MYO5C: variants seen among roughly 807,000 people sequenced by gnomAD.
MYO5C encodes myosin VC.
A neutral mutation model predicts 235.7 loss-of-function variants in MYO5C; 194 were observed. That is an observed-to-expected ratio of 0.82 (90% CI 0.73 to 0.93). The LOEUF is 0.93. Ranked by LOEUF, MYO5C falls within the 40% of genes least tolerant of loss-of-function variation. The pLI is 0.00. For synonymous variants in MYO5C, 707 were observed against 754.8 expected (o/e 0.94, Z 1.04); for missense variants, 2,038 against 2,127.2 (o/e 0.96, Z 0.82).
chr15:52,246,448 C>A (rs944947738), intron 16 of MYO5C, among the ~76,000 whole-genome samples: 2 of 152,210 alleles, frequency 1.3e-5, no homozygotes, highest in Non-Finnish European at 2.9e-5. Flanking sequence ...CACACACTCA[C>A]CACCTCCATA....
chr15:52,226,659 A>G (rs1206746625), intron 25 of MYO5C, among the ~76,000 whole-genome samples: 1 of 152,206 alleles, frequency 6.6e-6, no homozygotes, highest in Non-Finnish European at 1.5e-5. Context: ...CAGCAGCTAC[A>G]TTTAACTGAA....
chr15:52,285,245 G>A (rs914853317), intron 1 of MYO5C, among the ~76,000 whole-genome samples: 1 of 152,038 alleles, frequency 6.6e-6, no homozygotes, highest in Admixed American at 6.5e-5. Context: ...GTGCATGCCT[G>A]TAATCCCAAC....
intron 13 of MYO5C, 84 bp downstream of exon 13, chr15:52,251,306 C>A: frequency 7.5e-7 from 1 of 1,330,456 alleles, no homozygotes; most frequent in South Asian, 1.8e-5. Flanking sequence ...TGAATCTGAT[C>A]AGAAACATTC....
chr15:52,206,967 T>C (rs1332880620), intron 36 of MYO5C, among the ~76,000 whole-genome samples: 1 of 152,118 alleles, frequency 6.6e-6, no homozygotes, highest in Non-Finnish European at 1.5e-5. Flanking sequence ...ACCCCATCTC[T>C]ATTAAAAATA....
chr15:52,271,754 A>G lies in MYO5C; in HGVS notation c.832+9T>C. The G allele has an allele frequency of 6.6e-7, 1 of 1,514,836 alleles. No individual in the cohort carries two copies. The highest frequency in any genetic ancestry group is 1.4e-5 in the African/African-American group (1 of 72,912). The allele number at this position is 1,514,836 out of a possible 1,614,324, so 93.8% of individuals were successfully genotyped here. A position where few individuals can be genotyped will look rare whatever the true frequency, so the allele number is the denominator to read the frequency against. The stretch of plus-strand genomic sequence containing the variant: ...AGAGAGACCCTTTCATACACGATCC[A>G]TCACATACCCAATTTAAGATGTTTA... On this transcript the variant is annotated intron_variant, in intron 7 of 40. Coordinates refer to ENST00000261839, the MANE Select transcript of MYO5C (RefSeq NM_018728.4).
rs147735948 is a variant in MYO5C at position 52,257,787 on chromosome 15, CTT to C, written c.1314-1069_1314-1068del. Among the ~76,000 whole-genome samples the C allele has an allele frequency of 1.3e-4, 20 of 152,348 alleles. No homozygotes were observed. In the East Asian group the frequency reaches 3.1e-3, roughly 24 times the overall value. On this transcript the variant is annotated intron_variant, in intron 10 of 40. Transcript: ENST00000261839. ...ACCCCAGTGCTTGGTGCCTCCAAAG[CTT>C]TGTTCTTAATCGCTCTAATCCTGAG...
chr15:52,266,803 G>A (rs1011681913), intron 8 of MYO5C, among the ~76,000 whole-genome samples: 46 of 152,350 alleles, frequency 3.0e-4, no homozygotes, highest in African/African-American at 7.2e-4. Flanking sequence ...TGATGACCTC[G>A]TGCAAGGTGA....
chr15:52,255,344 A>G lies in MYO5C; in HGVS notation c.1395+1295T>C, dbSNP rs13379535. On this transcript the variant is annotated intron_variant, in intron 11 of 40. Coordinates refer to ENST00000261839, the MANE Select transcript of MYO5C (RefSeq NM_018728.4). The stretch of plus-strand genomic sequence containing the variant: ...GGAGCATAAGACTGGACACTAACAA[A>G]GGTATAACCTTTCCTTGGAGTAACT... Among the ~76,000 whole-genome samples the G allele has an allele frequency of 3.7e-3, 561 of 152,360 alleles. 4 individuals carry two copies. The highest frequency in any genetic ancestry group is 0.013 in the African/African-American group (548 of 41,592).
chr15:52,203,679 TA>T (rs1376125675), intron 38 of MYO5C, among the ~76,000 whole-genome samples: 1 of 152,200 alleles, frequency 6.6e-6, no homozygotes, highest in Non-Finnish European at 1.5e-5. Context: ...ATTAAGTTAT[TA>T]TTGACTATAG....
At chr15:52,269,209 C>T (rs1712243660) in intron 8 of MYO5C, among the ~76,000 whole-genome samples, 1 of 152,190 alleles carries the variant, frequency 6.6e-6, no homozygotes, top group South Asian at 2.1e-4. Context: ...GCAGCCCATG[C>T]CTCTCACAGC....
chr15:52,229,305 T>TCGC lies in MYO5C; in HGVS notation c.3034_3035insGCG (p.Leu1011_Glu1012insGly). ...TTGTGTTTTCAGTTCAAAACTTTTT[T>TCGC]CAAGAAGCCTACGCAGCAAAAGAAG... On this transcript the variant is annotated inframe_insertion, in exon 25 of 41. Transcript: ENST00000261839. 6.2e-7 allele frequency: 1 copy of TCGC among 1,612,666 alleles called. No homozygotes were observed. The highest frequency in any genetic ancestry group is 8.5e-7 in the Non-Finnish European group (1 of 1,179,926).
At chr15:52,207,507 T>C (rs1211013593) in intron 36 of MYO5C, among the ~76,000 whole-genome samples, 2 of 152,234 alleles carry the variant, frequency 1.3e-5, no homozygotes, top group African/African-American at 2.4e-5. Flanking sequence ...GTTATCTATA[T>C]GGAAGAGGAT....
At chr15:52,197,401 G>T (rs1370322997) in intron 38 of MYO5C, among the ~76,000 whole-genome samples, 1 of 152,174 alleles carries the variant, frequency 6.6e-6, no homozygotes, top group African/African-American at 2.4e-5. Context: ...AACATTTTAT[G>T]ATTTCATTTA....
At chr15:52,195,597 A>G (rs962394971) in intron 39 of MYO5C, 140 bp from the exon 40 acceptor site, 5 of 484,264 alleles carry the variant, frequency 1.0e-5, no homozygotes, top group African/African-American at 4.0e-5. Flanking sequence ...ACTGTATGTT[A>G]CCTATTTCCA....
chr15:52,238,540 G>A (rs1356127240), intron 21 of MYO5C, among the ~76,000 whole-genome samples: 1 of 152,226 alleles, frequency 6.6e-6, no homozygotes, highest in Non-Finnish European at 1.5e-5. Context: ...AGAATTAGTG[G>A]AGACAGGCCT....
In MYO5C at chr15:52,213,345, A is replaced by G. The variant is rs1224719930; in HGVS notation, c.4043-59T>C. 4.1e-6 allele frequency: 5 copies of G among 1,218,232 alleles called. No homozygotes were observed. The African/African-American group carries it at 5.9e-5, about 14-fold the overall frequency. 75.5% of individuals were successfully genotyped at this position (1,218,232 alleles called of 1,614,324 possible). The stretch of plus-strand genomic sequence containing the variant: ...CAAAAGCAGCTTTCACAGGTCTCAC[A>G]ATGTGACTACTCTCCTACCCCATTC... On this transcript the variant is annotated intron_variant, in intron 33 of 40. Transcript: ENST00000261839.
In MYO5C at chr15:52,232,244, G is replaced by A. The variant is rs1333840263; in HGVS notation, c.3026+378C>T. 3.1e-5 allele frequency among the ~76,000 whole-genome samples: 3 copies of A among 96,688 alleles called. 1 individual carries two copies. Among genetic ancestry groups the A allele is most frequent in the Admixed American group, 1.1e-4 (1 of 9,120 alleles). The allele number at this position is 96,688 out of a possible 152,430, so 63.4% of individuals were successfully genotyped here. A position where few individuals can be genotyped will look rare whatever the true frequency, so the allele number is the denominator to read the frequency against. ...AATGAAAGAAAGAAGAAAGAAAGAA[G>A]GAAGGAGAGAAGGAAGGAAGGAGAG... On this transcript the variant is annotated intron_variant, in intron 24 of 40. Coordinates refer to ENST00000261839, the MANE Select transcript of MYO5C (RefSeq NM_018728.4).
chr15:52,230,502 G>A (rs1226598426), intron 24 of MYO5C, among the ~76,000 whole-genome samples: 1 of 151,548 alleles, frequency 6.6e-6, no homozygotes, highest in Admixed American at 6.6e-5. Context: ...TCCGCCCCCC[G>A]GGTTCAAGTG....
chr15:52,255,288 G>C (rs569359578), intron 11 of MYO5C, among the ~76,000 whole-genome samples: 1 of 152,222 alleles, frequency 6.6e-6, no homozygotes, highest in South Asian at 2.1e-4. Flanking sequence ...TCTCCAAGAC[G>C]TCATGCTATG....
Sources: allele counts gnomAD v4.1 joint callset (sites outside exome capture counted in the v4.1 genomes callset), GRCh38; gene constraint gnomAD v4.1.1; transcripts MANE v1.5; gene names NCBI Gene and HGNC (gene_info 2026-07-23, HGNC 2026-07-21).